The following NFYA variants were observed in gnomAD, a reference collection of about 807,000 sequenced individuals.
The protein encoded by NFYA is nuclear transcription factor Y subunit alpha.
A neutral mutation model predicts 52.8 loss-of-function variants in NFYA; 28 were observed. The ratio of observed to expected loss-of-function variants is 0.53; its 90% CI spans 0.39 to 0.73. NFYA has a LOEUF of 0.73. Among genes scored for constraint, NFYA ranks in the 30% least tolerant of loss-of-function variants. NFYA has a pLI of 0.00. For synonymous variants in NFYA, 150 were observed against 150.7 expected (o/e 1.00, Z 0.03); for missense variants, 234 against 427.0 (o/e 0.55, Z 3.98).
intron 9 of NFYA, among the ~76,000 whole-genome samples, chr6:41,095,397 G>A (rs978212683): frequency 5.3e-5 from 8 of 152,072 alleles, no homozygotes; most frequent in Non-Finnish European, 7.4e-5. Flanking sequence ...CTCCCTATCT[G>A]TTAGGTCTGG....
chr6:41,091,810 G>T (rs532014716), intron 7 of NFYA, 116 bp downstream of exon 7: 3 of 1,117,840 alleles, frequency 2.7e-6, no homozygotes, highest in Non-Finnish European at 3.8e-6. Context: ...TTAAGGCACT[G>T]TCGGTAATCT....
chr6:41,093,007 A>C lies in NFYA; in HGVS notation c.810A>C (p.Lys270Asn). ...AAGAGCCTCTCTACGTGAATGCCAA[A>C]CAATACCACCGTATTCTTAAGAGGA... ...LEEEPLYVNA[K>N]QYHRILKRRQ... Residue 270 changes from lysine to asparagine, a missense_variant, in exon 8 of 10, where the codon AAA (lysine) becomes AAC (asparagine). Around this residue, in one of 3 missense-constraint regions of NFYA, gnomAD observed 81 missense variants for 210.5 expected, o/e 0.38. Coordinates refer to ENST00000341376, the MANE Select transcript of NFYA (RefSeq NM_002505.5). 1 of 1,614,184 alleles carries C rather than the reference A, an allele frequency of 6.2e-7. No individual in the cohort carries two copies. Among genetic ancestry groups the C allele is most frequent in the Non-Finnish European group, 8.5e-7 (1 of 1,180,028 alleles).
At position 41,100,841 on chromosome 6, in the gene NFYA, G is replaced by C. The variant is rs62396300; in HGVS notation, c.*3431G>C. Among the ~76,000 whole-genome samples, 15,036 of 152,302 alleles carry C rather than the reference G, an allele frequency of 0.099. 769 individuals carry two copies. Among genetic ancestry groups the C allele is most frequent in the Middle Eastern group, 0.15 (44 of 294 alleles). On this transcript the variant is annotated 3_prime_UTR_variant, in exon 10 of 10. Coordinates refer to ENST00000341376, the MANE Select transcript of NFYA (RefSeq NM_002505.5). ...CCGCACCTCCAGCCCCTTCTCCCCG[G>C]GGAAGTAGGCCCCGCTAAGAATGTG...
Position 41,102,380 on chromosome 6 carries a change from T to C in NFYA, c.*4970T>C, listed in dbSNP as rs1053881303. Among the ~76,000 whole-genome samples the C allele has an allele frequency of 6.6e-6, 1 of 152,204 alleles. No individual in the cohort carries two copies. The highest frequency in any genetic ancestry group is 2.4e-5 in the African/African-American group (1 of 41,436). ...TGCACATTTGTATTTTATTTCAAAA[T>C]AAAGTATTCTCTTCTAACAATAACG... On this transcript the variant is annotated 3_prime_UTR_variant, in exon 10 of 10. Transcript: ENST00000341376.
chr6:41,073,665 C>A (rs902672497), intron 1 of NFYA, among the ~76,000 whole-genome samples: 1 of 152,052 alleles, frequency 6.6e-6, no homozygotes, highest in Non-Finnish European at 1.5e-5. Context: ...CGCGGGGTCC[C>A]GTGTGCGGCT....
intron 8 of NFYA, among the ~76,000 whole-genome samples, chr6:41,093,340 G>A (rs371495716): frequency 5.3e-5 from 8 of 152,284 alleles, no homozygotes; most frequent in East Asian, 3.9e-4. Flanking sequence ...AATTATCCTG[G>A]ACTGGTAGCA....
At chr6:41,077,715 T>C (rs1443886591) in intron 1 of NFYA, among the ~76,000 whole-genome samples, 1 of 152,186 alleles carries the variant, frequency 6.6e-6, no homozygotes. Flanking sequence ...CGGTTTGTCA[T>C]GTTGCTGATT....
intron 1 of NFYA, among the ~76,000 whole-genome samples, chr6:41,076,499 G>A (rs1763735887): frequency 6.6e-6 from 1 of 152,206 alleles, no homozygotes; most frequent in Admixed American, 6.5e-5. Context: ...AGTTTCTGAA[G>A]AGGTTTTAGC....
At chr6:41,093,140 T>G (rs1037579034) in intron 8 of NFYA, 55 bp downstream of exon 8, 5 of 1,489,210 alleles carry the variant, frequency 3.4e-6, no homozygotes, top group Non-Finnish European at 4.6e-6. Flanking sequence ...GTTCTACTTT[T>G]GAAATTATCT....
intron 2 of NFYA, 90 bp from the exon 3 acceptor site, chr6:41,080,721 C>T (rs1763881939): frequency 9.4e-7 from 1 of 1,060,624 alleles, no homozygotes; most frequent in African/African-American, 1.6e-5. Context: ...AGGCTTCCGT[C>T]TCTCTCCTCC....
intron 4 of NFYA, among the ~76,000 whole-genome samples, chr6:41,088,459 T>G (rs554143986): frequency 6.6e-6 from 1 of 151,994 alleles, no homozygotes; most frequent in South Asian, 2.1e-4. Context: ...ATTTTATAGT[T>G]TCTGTGAGTT....
Position 41,098,986 on chromosome 6 carries a change from GTTC to G in NFYA, c.*1582_*1584del, listed in dbSNP as rs1764431692. 1 of 152,160 alleles carries G rather than the reference GTTC, an allele frequency of 6.6e-6. No homozygotes were observed. Among genetic ancestry groups the G allele is most frequent in the African/African-American group, 2.4e-5 (1 of 41,432 alleles). The allele number at this position is 152,160 out of a possible 1,614,324, so 9.4% of individuals were successfully genotyped here. A position where few individuals can be genotyped will look rare whatever the true frequency, so the allele number is the denominator to read the frequency against. On this transcript the variant is annotated 3_prime_UTR_variant, in exon 10 of 10. Transcript: ENST00000341376. ...GGTTAAATACCAAGAATAAAAATTG[GTTC>G]TTCTTTGACTTCAGCTTAACTGTAT...
chr6:41,098,344 G>A lies in NFYA; in HGVS notation c.*934G>A, dbSNP rs774330949. The A allele has an allele frequency of 6.6e-6, 1 of 152,302 alleles. No individual in the cohort carries two copies. The highest frequency in any genetic ancestry group is 1.5e-5 in the Non-Finnish European group (1 of 68,090). The allele number at this position is 152,302 out of a possible 1,614,324, so 9.4% of individuals were successfully genotyped here. ...TGTGACAGCATTTGGGGAACTAAAA[G>A]ATTCATGTGTTTCAGCCTAGTGGGA... On this transcript the variant is annotated 3_prime_UTR_variant, in exon 10 of 10. Transcript: ENST00000341376.
At position 41,098,316 on chromosome 6, in the gene NFYA, C is replaced by G. The variant is rs1764414092; in HGVS notation, c.*906C>G. On this transcript the variant is annotated 3_prime_UTR_variant, in exon 10 of 10. Transcript: ENST00000341376. ...CAAACTAGAGATTTTCAATCATAGA[C>G]TTTGTGACAGCATTTGGGGAACTAA... 1 of 152,312 alleles carries G rather than the reference C, an allele frequency of 6.6e-6. No individual in the cohort carries two copies. The highest frequency in any genetic ancestry group is 2.1e-4 in the South Asian group (1 of 4,830). The allele number at this position is 152,312 out of a possible 1,614,324, so 9.4% of individuals were successfully genotyped here.
Position 41,097,396 on chromosome 6 carries a change from A to C in NFYA, c.1030A>C (p.Ile344Leu). Residue 344 changes from isoleucine to leucine, a missense_variant, in exon 10 of 10, where the codon ATC becomes CTC. Physicochemically the swap from Ile to Leu is conservative, Grantham distance 5. This residue lies in a region of NFYA where 35 missense variants were observed against 34.2 expected (regional missense o/e 1.02). Coordinates refer to ENST00000341376, the MANE Select transcript of NFYA (RefSeq NM_002505.5). Reference sequence around the variant, plus strand: ...CGATGAAGAAGCAATGACACAGATCATCCGAGTGTCCTAACCCCACGCCAT... The same window carrying C: ...CGATGAAGAAGCAATGACACAGATCCTCCGAGTGTCCTAACCCCACGCCAT... ...QADEEAMTQI[I>L]RVS 1.2e-6 allele frequency: 2 copies of C among 1,614,082 alleles called. No individual in the cohort carries two copies. Among genetic ancestry groups the C allele is most frequent in the Admixed American group, 1.7e-5 (1 of 60,030 alleles).
intron 1 of NFYA, among the ~76,000 whole-genome samples, chr6:41,073,868 C>T (rs1582016266): frequency 6.6e-6 from 1 of 152,226 alleles, no homozygotes. Flanking sequence ...CTCTCTTCCC[C>T]GCCCCGTTCG....
chr6:41,083,990 TA>T, intron 3 of NFYA, 55 bp from the exon 4 acceptor site: 1 of 1,502,138 alleles, frequency 6.7e-7, no homozygotes, highest in Non-Finnish European at 8.9e-7. Context: ...TGTCTTTTGG[TA>T]AAAACCATTT....
chr6:41,073,163 G>A (rs901222312), intron 1 of NFYA, 79 bp downstream of exon 1: 3 of 152,588 alleles, frequency 2.0e-5, no homozygotes, highest in African/African-American at 7.2e-5. Context: ...GACCACTCAG[G>A]AGAGGCCCAG....
At chr6:41,079,194 C>T (rs1003690484) in intron 2 of NFYA, 30 bp downstream of exon 2, 5 of 1,598,892 alleles carry the variant, frequency 3.1e-6, no homozygotes, top group Non-Finnish European at 4.3e-6. Context: ...TTAAACATTA[C>T]AGCAATGAAA....
Sources: allele counts gnomAD v4.1 joint callset (sites outside exome capture counted in the v4.1 genomes callset), GRCh38; gene constraint gnomAD v4.1.1; regional missense constraint gnomAD v4.1.1; transcripts MANE v1.5; gene names NCBI Gene and HGNC (gene_info 2026-07-23, HGNC 2026-07-21).